The following ADAMTS18 variants were observed in gnomAD, a reference collection of about 807,000 sequenced individuals.
ADAMTS18 encodes A disintegrin and metalloproteinase with thrombospondin motifs 18.
Under a neutral mutation model 165.9 loss-of-function variants are expected in ADAMTS18, and 157 were observed. The ratio of observed to expected loss-of-function variants is 0.95; its 90% confidence interval spans 0.83 to 1.08. ADAMTS18 has a LOEUF of 1.08. Ranked by LOEUF, ADAMTS18 falls within the 50% of genes least tolerant of loss-of-function variation. ADAMTS18 has a pLI of 0.00. For synonymous variants in ADAMTS18, 782 were observed against 578.2 expected (o/e 1.35, Z -5.06); for missense variants, 2,040 against 1,534.0 (o/e 1.33, Z -5.51).
intron 13 of ADAMTS18, among the ~76,000 whole-genome samples, chr16:77,323,513 CT>C (rs1345264263): frequency 6.7e-6 from 1 of 148,330 alleles, no homozygotes; most frequent in African/African-American, 2.5e-5. Flanking sequence ...TATGCCCTTT[CT>C]TTTCTCTATC....
chr16:77,328,932 C>A (rs915823395), intron 12 of ADAMTS18, among the ~76,000 whole-genome samples: 3 of 152,154 alleles, frequency 2.0e-5, no homozygotes, highest in African/African-American at 7.2e-5. Flanking sequence ...TAGAAAGAAA[C>A]AGAGACGAGC....
At chr16:77,306,597 A>C (rs8058933) in intron 16 of ADAMTS18, among the ~76,000 whole-genome samples, 81,266 of 151,896 alleles carry the variant, frequency 0.54, 22,623 homozygotes, top group Non-Finnish European at 0.57. Context: ...TCATTTTACC[A>C]TAAAGGTTAT....
intron 3 of ADAMTS18, among the ~76,000 whole-genome samples, chr16:77,406,464 C>G (rs888399640): frequency 2.1e-4 from 32 of 152,032 alleles, no homozygotes; most frequent in African/African-American, 7.5e-4. Context: ...ATTATCACCA[C>G]ACTTGAGGTC....
intron 20 of ADAMTS18, among the ~76,000 whole-genome samples, chr16:77,292,313 C>A (rs2055379180): frequency 6.6e-6 from 1 of 152,046 alleles, no homozygotes. Context: ...AAATTTACTC[C>A]CCAGTATTTG....
intron 3 of ADAMTS18, among the ~76,000 whole-genome samples, chr16:77,401,695 T>C (rs191602517): frequency 7.9e-5 from 12 of 152,294 alleles, no homozygotes; most frequent in Admixed American, 7.2e-4. Context: ...AGAGAAAGCA[T>C]GGGAATCAGT....
chr16:77,369,616 C>T (rs1043294433), intron 3 of ADAMTS18, among the ~76,000 whole-genome samples: 3 of 152,176 alleles, frequency 2.0e-5, no homozygotes, highest in African/African-American at 7.2e-5. Flanking sequence ...AGTCTCCCAT[C>T]AAAGAAAAGC....
intron 16 of ADAMTS18, among the ~76,000 whole-genome samples, chr16:77,315,318 G>C (rs74027611): frequency 0.051 from 7,738 of 152,206 alleles, 533 homozygotes; most frequent in African/African-American, 0.15. Context: ...TGTCATCAAG[G>C]GAATAAAGTA....
chr16:77,298,637 A>G (rs938251043), intron 17 of ADAMTS18, among the ~76,000 whole-genome samples: 3 of 152,132 alleles, frequency 2.0e-5, no homozygotes. Context: ...ATAAAAAAGA[A>G]AAAAACGGGC....
rs1419023713 is a variant in ADAMTS18 at position 77,282,501 on chromosome 16, G to A, written c.*1455C>T. The A allele has an allele frequency of 6.6e-6, 1 of 152,536 alleles. No homozygotes were observed. The highest frequency in any genetic ancestry group is 1.9e-4 in the East Asian group (1 of 5,186). 9.4% of individuals were successfully genotyped at this position (152,536 alleles called of 1,614,324 possible). A position where few individuals can be genotyped will look rare whatever the true frequency, so the allele number is the denominator to read the frequency against. ...GAACTCATGACTTTAATTAGAATGGGAACGAAGTATGCTGCTAAATTTAAC... is the reference window on the plus strand; with the variant it reads ...GAACTCATGACTTTAATTAGAATGGAAACGAAGTATGCTGCTAAATTTAAC... On this transcript the variant is annotated 3_prime_UTR_variant, in exon 23 of 23. Transcript: ENST00000282849.
chr16:77,404,141 C>T (rs1313765933), intron 3 of ADAMTS18, among the ~76,000 whole-genome samples: 2 of 151,922 alleles, frequency 1.3e-5, no homozygotes, highest in African/African-American at 4.8e-5. Flanking sequence ...TTAAAGACAA[C>T]TGTGTCTCCT....
chr16:77,416,789 A>C (rs1048896402), intron 3 of ADAMTS18, among the ~76,000 whole-genome samples: 1 of 152,200 alleles, frequency 6.6e-6, no homozygotes, highest in South Asian at 2.1e-4. Flanking sequence ...CTATGAGAAG[A>C]ATAGACTAAA....
chr16:77,347,966 G>C (rs1010981494), intron 10 of ADAMTS18, among the ~76,000 whole-genome samples: 1 of 151,960 alleles, frequency 6.6e-6, no homozygotes, highest in Admixed American at 6.6e-5. Flanking sequence ...AATATGTATC[G>C]TGTGCTTAAA....
At chr16:77,403,984 G>A (rs2057362916) in intron 3 of ADAMTS18, among the ~76,000 whole-genome samples, 1 of 147,876 alleles carries the variant, frequency 6.8e-6, no homozygotes, top group Non-Finnish European at 1.5e-5. Flanking sequence ...TTTTAAACTG[G>A]AAGCAACCCA....
Position 77,282,904 on chromosome 16 carries a change from C to CTTTTTTTTTTT in ADAMTS18, c.*1051_*1052insAAAAAAAAAAA, listed in dbSNP as rs1331401019. On this transcript the variant is annotated 3_prime_UTR_variant, in exon 23 of 23. Transcript: ENST00000282849. ...TACCACTGTTTACTCCTTTCTTTCT[C>CTTTTTTTTTTT]TCTTTTTTTTTTTTTTTTTTTTGCT... 54 of 77,708 alleles carry CTTTTTTTTTTT rather than the reference C, an allele frequency of 6.9e-4. No homozygotes were observed. The highest frequency in any genetic ancestry group is 9.7e-4 in the Non-Finnish European group (36 of 36,934). The allele number at this position is 77,708 out of a possible 1,614,324, so 4.8% of individuals were successfully genotyped here. A position where few individuals can be genotyped will look rare whatever the true frequency, so the allele number is the denominator to read the frequency against.
At chr16:77,376,398 G>A (rs1014392722) in intron 3 of ADAMTS18, among the ~76,000 whole-genome samples, 7 of 152,152 alleles carry the variant, frequency 4.6e-5, no homozygotes, top group Admixed American at 6.5e-5. Context: ...ATTTGGGTGG[G>A]GACACAAAGC....
chr16:77,364,462 G>T (rs2056763549), intron 4 of ADAMTS18, 81 bp from the exon 5 acceptor site: 4 of 1,463,026 alleles, frequency 2.7e-6, no homozygotes, highest in East Asian at 4.8e-5. Flanking sequence ...TGAAACAAGG[G>T]AAGAAGAGAA....
At chr16:77,311,161 C>T (rs544218409) in intron 16 of ADAMTS18, among the ~76,000 whole-genome samples, 186 of 152,280 alleles carry the variant, frequency 1.2e-3, no homozygotes, top group African/African-American at 4.1e-3. Flanking sequence ...AAAACATACA[C>T]TTCTGCTGAA....
At position 77,334,504 on chromosome 16, in the gene ADAMTS18, T is replaced by G. The variant is rs184520985; in HGVS notation, c.1859+1252A>C. ...TATATATTATATAGTATATATACTGTATATTATAGTATATATTATATAGTA... is the reference window on the plus strand; with the variant it reads ...TATATATTATATAGTATATATACTGGATATTATAGTATATATTATATAGTA... On this transcript the variant is annotated intron_variant, in intron 12 of 22. Transcript: ENST00000282849. Among the ~76,000 whole-genome samples the G allele has an allele frequency of 1.7e-3, 191 of 109,484 alleles. 2 individuals carry two copies. The highest frequency in any genetic ancestry group is 6.0e-3 in the African/African-American group (153 of 25,418). The allele number at this position is 109,484 out of a possible 152,430, so 71.8% of individuals were successfully genotyped here.
chr16:77,361,830 A>G (rs1049888314), intron 7 of ADAMTS18, among the ~76,000 whole-genome samples: 5 of 152,022 alleles, frequency 3.3e-5, no homozygotes, highest in African/African-American at 1.2e-4. Context: ...GTTGTAGTGA[A>G]CCGAGATTGT....
Sources: gnomAD v4.1 joint callset for allele counts (sites outside exome capture counted in the v4.1 genomes callset) on GRCh38, gnomAD v4.1.1 for gene constraint, MANE v1.5 for transcripts, NCBI Gene and HGNC (gene_info 2026-07-23, HGNC 2026-07-21) for gene names.